The following OTOGL variants were observed in gnomAD, a reference collection of about 807,000 sequenced individuals.
The protein encoded by OTOGL is otogelin-like protein.
OTOGL carries 285 observed loss-of-function variants against 318.5 expected under a neutral mutation model. The observed-to-expected ratio is 0.89, with a 90% confidence interval of 0.81 to 0.99. The LOEUF (loss-of-function observed/expected upper bound fraction) is 0.99. Ranked by LOEUF, OTOGL falls within the 50% of genes least tolerant of loss-of-function variation. The pLI, the probability that OTOGL is intolerant of heterozygous loss-of-function variation, is 0.00. For synonymous variants in OTOGL, 987 were observed against 936.5 expected (o/e 1.05, Z -0.99); for missense variants, 2,899 against 2,845.6 (o/e 1.02, Z -0.43).
chr12:80,296,889 T>C lies in OTOGL; in HGVS notation c.2991T>C (p.Ile997=). ...ACAAGAAATGCTTTGACAACGATAT[T>C]GTTTGTTCTAAAAGTGTTTTGATTT... The part of the protein sequence containing the change: ...AQNKKCFDND[I]VCSKSVLISV... Residue 997 remains isoleucine (I), a synonymous_variant, in exon 27 of 59, where the codon ATT becomes ATC. Transcript: ENST00000547103. 1 of 1,534,554 alleles carries C rather than the reference T, an allele frequency of 6.5e-7. No individual in the cohort carries two copies. Among genetic ancestry groups the C allele is most frequent in the Non-Finnish European group, 8.8e-7 (1 of 1,141,932 alleles).
At chr12:80,254,825 TA>T (rs1473679040) in intron 15 of OTOGL, among the ~76,000 whole-genome samples, 1 of 151,974 alleles carries the variant, frequency 6.6e-6, no homozygotes, top group East Asian at 1.9e-4. Context: ...TTATAAACAT[TA>T]AATTAAATGG....
Position 80,256,318 on chromosome 12 carries a change from T to A in OTOGL, c.1588-19T>A, listed in dbSNP as rs560245614. ...CTCTCTCTCCCATTCCTTGCATTGATAATTTGATTTTTACGCAGAATCTTG... is the reference window on the plus strand; with the variant it reads ...CTCTCTCTCCCATTCCTTGCATTGAAAATTTGATTTTTACGCAGAATCTTG... On this transcript the variant is annotated intron_variant, in intron 16 of 58. Coordinates refer to ENST00000547103, the MANE Select transcript of OTOGL (RefSeq NM_001378609.3). 2 of 1,589,658 alleles carry A rather than the reference T, an allele frequency of 1.3e-6. No individual in the cohort carries two copies. The highest frequency in any genetic ancestry group is 2.7e-5 in the African/African-American group (2 of 74,744).
At chr12:80,142,558 T>C (rs1276117013) in intron 1 of OTOGL, among the ~76,000 whole-genome samples, 1 of 152,174 alleles carries the variant, frequency 6.6e-6, no homozygotes, top group Non-Finnish European at 1.5e-5. Flanking sequence ...CTACTTTGCA[T>C]CTGTATTGGC....
intron 1 of OTOGL, among the ~76,000 whole-genome samples, chr12:80,168,192 A>C (rs1424356414): frequency 6.6e-6 from 1 of 152,008 alleles, no homozygotes; most frequent in African/African-American, 2.4e-5. Flanking sequence ...CCTGAGCTCA[A>C]AGTGGTCTGG....
Position 80,351,660 on chromosome 12 carries a change from T to C in OTOGL, c.5266-635T>C, listed in dbSNP as rs374930631. Reference sequence around the variant, plus strand: ...TATTTTTATCGGATACTTTGGCCTGTGTCAGAATTTGGCATCTGAATTTAG... The same window carrying C: ...TATTTTTATCGGATACTTTGGCCTGCGTCAGAATTTGGCATCTGAATTTAG... On this transcript the variant is annotated intron_variant, in intron 44 of 58. Coordinates refer to ENST00000547103, the MANE Select transcript of OTOGL (RefSeq NM_001378609.3). 3.9e-5 allele frequency among the ~76,000 whole-genome samples: 6 copies of C among 152,290 alleles called. No individual in the cohort carries two copies. The East Asian group carries it at 7.7e-4, about 20-fold the overall frequency.
intron 1 of OTOGL, among the ~76,000 whole-genome samples, chr12:80,176,066 C>T (rs1188842436): frequency 6.6e-6 from 1 of 152,164 alleles, no homozygotes; most frequent in Non-Finnish European, 1.5e-5. Flanking sequence ...GTAGGAGTCT[C>T]AGTTTTCTAC....
At chr12:80,150,056 A>T (rs969005597) in intron 1 of OTOGL, among the ~76,000 whole-genome samples, 4 of 152,172 alleles carry the variant, frequency 2.6e-5, no homozygotes, top group African/African-American at 9.6e-5. Context: ...AGCTGTTCCT[A>T]TTCGGCCATC....
At chr12:80,115,994 G>C (rs896531286) in intron 1 of OTOGL, among the ~76,000 whole-genome samples, 2 of 118,764 alleles carry the variant, frequency 1.7e-5, no homozygotes, top group Admixed American at 7.9e-5. Flanking sequence ...GGCTCTGTGG[G>C]ACTGGGATTT....
chr12:80,375,912 G>T (rs755250819), intron 57 of OTOGL, among the ~76,000 whole-genome samples: 20 of 152,062 alleles, frequency 1.3e-4, no homozygotes, highest in Non-Finnish European at 2.5e-4. Context: ...TTAGTGAAAA[G>T]AGATAGAACC....
rs57094353 is a variant in OTOGL, at chr12:80,373,432, AAAACAAAC to A, written c.6781+1401_6781+1408del. On this transcript the variant is annotated intron_variant, in intron 57 of 58. Coordinates refer to ENST00000547103, the MANE Select transcript of OTOGL (RefSeq NM_001378609.3). ...GGTGACAGAGCTAGACTCTGTCTCC[AAAACAAAC>A]AAACAAACAAACAAACAAACAAACA... is the stretch of plus-strand genomic sequence containing the variant. Among the ~76,000 whole-genome samples, 1,118 of 150,626 alleles carry A rather than the reference AAAACAAAC, an allele frequency of 7.4e-3. 17 individuals carry two copies. The highest frequency in any genetic ancestry group is 0.026 in the African/African-American group (1,068 of 40,986).
At chr12:80,256,496 T>TCAAATAAA in intron 17 of OTOGL, 36 bp downstream of exon 17, 1 of 1,391,490 alleles carries the variant, frequency 7.2e-7, no homozygotes, top group Non-Finnish European at 9.5e-7. Flanking sequence ...TTTCTTTACA[T>TCAAATAAA]CAAACAAACA....
At chr12:80,179,560 A>G (rs1269100940) in intron 1 of OTOGL, among the ~76,000 whole-genome samples, 1 of 152,206 alleles carries the variant, frequency 6.6e-6, no homozygotes, top group Non-Finnish European at 1.5e-5. Context: ...TAGTATGTGC[A>G]GAGACATGTA....
At chr12:80,156,032 G>A (rs200957890) in intron 1 of OTOGL, among the ~76,000 whole-genome samples, 2 of 152,170 alleles carry the variant, frequency 1.3e-5, no homozygotes, top group East Asian at 1.9e-4. Context: ...CTAATACTGA[G>A]TGTCAACTTG....
Position 80,373,432 on chromosome 12 carries a change from AAAAC to A in OTOGL, c.6781+1405_6781+1408del, listed in dbSNP as rs57094353. Among the ~76,000 whole-genome samples the A allele has an allele frequency of 8.6e-3, 1,288 of 150,618 alleles. 18 individuals carry two copies. Among genetic ancestry groups the A allele is most frequent in the African/African-American group, 0.023 (956 of 40,978 alleles). On this transcript the variant is annotated intron_variant, in intron 57 of 58. Coordinates refer to ENST00000547103, the MANE Select transcript of OTOGL (RefSeq NM_001378609.3). ...GGTGACAGAGCTAGACTCTGTCTCC[AAAAC>A]AAACAAACAAACAAACAAACAAACA... is the stretch of plus-strand genomic sequence containing the variant.
At chr12:80,370,447 C>T in intron 55 of OTOGL, 123 bp from the exon 56 acceptor site, 4 of 761,702 alleles carry the variant, frequency 5.3e-6, no homozygotes, top group Non-Finnish European at 7.6e-6. Flanking sequence ...TCAGATGGAA[C>T]ATTTTGTGTC....
intron 43 of OTOGL, among the ~76,000 whole-genome samples, chr12:80,341,736 C>G (rs1016094660): frequency 1.3e-5 from 2 of 152,036 alleles, no homozygotes; most frequent in Non-Finnish European, 1.5e-5. Context: ...TTCTTTCTTA[C>G]TGGGTTAAGG....
At position 80,232,977 on chromosome 12, in the gene OTOGL, T is replaced by C. The variant is rs1879502230; in HGVS notation, c.697T>C (p.Leu233=). 6.3e-7 allele frequency: 1 copy of C among 1,598,960 alleles called. No individual in the cohort carries two copies. Among genetic ancestry groups the C allele is most frequent in the South Asian group, 1.1e-5 (1 of 91,080 alleles). The part of the protein sequence containing the change: ...ILVKTTFGFS[L]AWDGISGIYL... ...TGTGAAAACAACCTTTGGCTTTTCA[T>C]TGGCTTGGGACGGGATATCTGGGAT... Residue 233 remains leucine, a synonymous_variant, in exon 9 of 59, where the codon TTG becomes CTG. Coordinates refer to ENST00000547103, the MANE Select transcript of OTOGL (RefSeq NM_001378609.3).
intron 55 of OTOGL, among the ~76,000 whole-genome samples, chr12:80,368,665 G>A (rs1301038825): frequency 6.6e-6 from 1 of 152,010 alleles, no homozygotes; most frequent in Non-Finnish European, 1.5e-5. Flanking sequence ...ACTGTTTCTT[G>A]AATTTGAATA....
intron 1 of OTOGL, among the ~76,000 whole-genome samples, chr12:80,151,032 A>T (rs956392972): frequency 4.7e-4 from 72 of 152,308 alleles, no homozygotes; most frequent in African/African-American, 1.6e-3. Context: ...GAGAAAGGGT[A>T]GGTAAAAAAC....
Sources: allele counts gnomAD v4.1 joint callset (sites outside exome capture counted in the v4.1 genomes callset), GRCh38; gene constraint gnomAD v4.1.1; transcripts MANE v1.5; gene names NCBI Gene and HGNC (gene_info 2026-07-23, HGNC 2026-07-21).